Variants in TOX observed in about 807,000 individuals in gnomAD.
TOX encodes thymocyte selection associated high mobility group box, also known as thymocyte selection-associated high mobility group box protein TOX.
Under a neutral mutation model 53.7 loss-of-function variants are expected in TOX, and 11 were observed. The ratio of observed to expected loss-of-function variants is 0.20; its 90% confidence interval spans 0.13 to 0.34. TOX has a LOEUF of 0.34. TOX is among the 10% of genes least tolerant of loss of function. The pLI is 1.00. For synonymous variants in TOX, 225 were observed against 245.3 expected (o/e 0.92, Z 0.77); for missense variants, 570 against 664.6 (o/e 0.86, Z 1.56).
intron 3 of TOX, among the ~76,000 whole-genome samples, chr8:58,888,033 A>T (rs1341911479): frequency 2.0e-5 from 3 of 152,094 alleles, no homozygotes; most frequent in African/African-American, 7.2e-5. Flanking sequence ...TTGTCTACAA[A>T]CCTGTACAGC....
chr8:58,924,196 T>A lies in TOX; in HGVS notation c.411+15106A>T, dbSNP rs576168688. Among the ~76,000 whole-genome samples, 206 of 152,302 alleles carry A rather than the reference T, an allele frequency of 1.4e-3. 1 individual carries two copies. Among genetic ancestry groups the A allele is most frequent in the African/African-American group, 4.8e-3 (199 of 41,576 alleles). ...TTTTCATGCATCAAACATCTTGCTA[T>A]TTTAGGTAAAAATGCATTTTTAGTA... is the stretch of plus-strand genomic sequence containing the variant. On this transcript the variant is annotated intron_variant, in intron 3 of 8. Coordinates refer to ENST00000361421, the MANE Select transcript of TOX (RefSeq NM_014729.3).
At chr8:59,019,260 T>C (rs575454904) in intron 1 of TOX, among the ~76,000 whole-genome samples, 1 of 152,302 alleles carries the variant, frequency 6.6e-6, no homozygotes, top group South Asian at 2.1e-4. Context: ...CTAGTAAACA[T>C]AGTATTCTTC....
At chr8:58,978,455 C>T (rs547628176) in intron 1 of TOX, among the ~76,000 whole-genome samples, 15 of 152,324 alleles carry the variant, frequency 9.8e-5, no homozygotes, top group African/African-American at 3.4e-4. Context: ...TATGCACGCA[C>T]AGTGGTCTTA....
intron 1 of TOX, among the ~76,000 whole-genome samples, chr8:59,038,511 A>G (rs917104922): frequency 2.2e-4 from 34 of 152,226 alleles, no homozygotes; most frequent in African/African-American, 7.7e-4. Flanking sequence ...TCATTTTTCA[A>G]TAACAACAGT....
chr8:58,887,343 T>A (rs1422656980), intron 3 of TOX, among the ~76,000 whole-genome samples: 1 of 151,944 alleles, frequency 6.6e-6, no homozygotes, highest in Non-Finnish European at 1.5e-5. Flanking sequence ...CAGTTTTACT[T>A]TTTCCCCTGA....
chr8:58,981,574 C>T (rs1378087155), intron 1 of TOX, among the ~76,000 whole-genome samples: 2 of 152,096 alleles, frequency 1.3e-5, no homozygotes, highest in Non-Finnish European at 2.9e-5. Flanking sequence ...TATCTAGGCC[C>T]TAGTTTTACT....
chr8:58,847,841 A>T (rs1480946000), intron 4 of TOX, among the ~76,000 whole-genome samples: 1 of 152,130 alleles, frequency 6.6e-6, no homozygotes, highest in Non-Finnish European at 1.5e-5. Flanking sequence ...TCAGTGAAAT[A>T]ATATAATATC....
chr8:59,099,377 T>C (rs564021870), intron 1 of TOX, among the ~76,000 whole-genome samples: 6 of 152,336 alleles, frequency 3.9e-5, no homozygotes, highest in Admixed American at 1.3e-4. Context: ...ATTTCATGAA[T>C]TGATTTCATT....
chr8:59,061,279 A>G (rs1018841855), intron 1 of TOX, among the ~76,000 whole-genome samples: 2 of 152,354 alleles, frequency 1.3e-5, no homozygotes, highest in South Asian at 4.1e-4. Flanking sequence ...CAGCTTCTAA[A>G]TAATCAATGT....
chr8:59,015,603 C>T (rs747613991), intron 1 of TOX, among the ~76,000 whole-genome samples: 11 of 152,028 alleles, frequency 7.2e-5, no homozygotes, highest in Non-Finnish European at 1.6e-4. Flanking sequence ...AAATTTATTA[C>T]TTAAAAAAGA....
chr8:59,106,358 C>T (rs1210593979), intron 1 of TOX, among the ~76,000 whole-genome samples: 3 of 151,978 alleles, frequency 2.0e-5, no homozygotes, highest in Non-Finnish European at 4.4e-5. Flanking sequence ...TAGCAAGTGC[C>T]ATAAGAAAAA....
Position 58,939,302 on chromosome 8 carries a change from C to T in TOX, c.411G>A (p.Val137=). The T allele has an allele frequency of 6.2e-7, 1 of 1,613,878 alleles. No individual in the cohort carries two copies. Among genetic ancestry groups the T allele is most frequent in the Non-Finnish European group, 8.5e-7 (1 of 1,179,930 alleles). The stretch of plus-strand genomic sequence containing the variant: ...CACAAACAGGTAAGCAGATTCTTAC[C>T]ACAGAAATGGAATTAGAAAGCAGTG... ...DGTLLSNSIS[V]MPDIRNPEGT... Residue 137 remains valine (V), a splice_region_variant and synonymous_variant, in exon 3 of 9, where the codon GTG becomes GTA. Coordinates refer to ENST00000361421, the MANE Select transcript of TOX (RefSeq NM_014729.3).
At chr8:59,086,471 C>T (rs566036472) in intron 1 of TOX, among the ~76,000 whole-genome samples, 112 of 152,224 alleles carry the variant, frequency 7.4e-4, no homozygotes, top group African/African-American at 1.2e-3. Context: ...GCTAAATAGA[C>T]TCCCATCATC....
intron 1 of TOX, among the ~76,000 whole-genome samples, chr8:58,980,396 G>C (rs1813180972): frequency 6.6e-6 from 1 of 151,668 alleles, no homozygotes; most frequent in Non-Finnish European, 1.5e-5. Flanking sequence ...TCCAATACTG[G>C]AAGGTGTACT....
chr8:58,864,235 T>C (rs1391526985), intron 3 of TOX, among the ~76,000 whole-genome samples: 7 of 152,170 alleles, frequency 4.6e-5, no homozygotes, highest in Admixed American at 4.6e-4. Context: ...TTAAAAAATG[T>C]GGCTAAAAGC....
At chr8:58,922,362 T>C (rs574182408) in intron 3 of TOX, among the ~76,000 whole-genome samples, 5 of 152,348 alleles carry the variant, frequency 3.3e-5, no homozygotes, top group African/African-American at 1.2e-4. Flanking sequence ...TTTGCGTGTA[T>C]ATATTGAAAT....
chr8:59,084,838 G>C (rs1002456716), intron 1 of TOX, among the ~76,000 whole-genome samples: 1 of 152,106 alleles, frequency 6.6e-6, no homozygotes, highest in Non-Finnish European at 1.5e-5. Flanking sequence ...TCTTTCAACA[G>C]GTTTCTAGAA....
chr8:58,851,504 T>C lies in TOX; in HGVS notation c.693+20A>G. ...CCTAAGAATAGTCTCCCATAGGTCCTAAAAATAACTTATTCATACCTTAGA... is the reference window on the plus strand; with the variant it reads ...CCTAAGAATAGTCTCCCATAGGTCCCAAAAATAACTTATTCATACCTTAGA... On this transcript the variant is annotated intron_variant, in intron 4 of 8. Coordinates refer to ENST00000361421, the MANE Select transcript of TOX (RefSeq NM_014729.3). This position sits in a 1 kb window ranked among gnomAD's most constrained non-coding sequence, Gnocchi z 4.4. 6.2e-7 allele frequency: 1 copy of C among 1,610,712 alleles called. No individual in the cohort carries two copies. Among genetic ancestry groups the C allele is most frequent in the Non-Finnish European group, 8.5e-7 (1 of 1,178,798 alleles).
At chr8:58,825,977 T>C (rs374160294) in intron 6 of TOX, among the ~76,000 whole-genome samples, 1 of 152,240 alleles carries the variant, frequency 6.6e-6, no homozygotes, top group African/African-American at 2.4e-5. Flanking sequence ...AATAGTTTAC[T>C]GAAATTTCTT....
Sources: gnomAD v4.1 joint callset for allele counts (sites outside exome capture counted in the v4.1 genomes callset) on GRCh38, gnomAD v4.1.1 for gene constraint, Gnocchi (gnomAD v3.1) non-coding constraint, MANE v1.5 for transcripts, NCBI Gene and HGNC (gene_info 2026-07-23, HGNC 2026-07-21) for gene names.